Variants in CERT1 observed in about 807,000 individuals in gnomAD.
The protein encoded by CERT1 is ceramide transporter 1.
Under a neutral mutation model 87.9 loss-of-function variants are expected in CERT1, and 31 were observed. The ratio of observed to expected loss-of-function variants is 0.35; its 90% CI spans 0.27 to 0.48. The LOEUF (loss-of-function observed/expected upper bound fraction) is 0.48. Among genes scored for constraint, CERT1 ranks in the 20% least tolerant of loss-of-function variants. The pLI is 0.99. For synonymous variants in CERT1, 289 were observed against 250.9 expected, an observed-to-expected ratio of 1.15 and a Z score of -1.44; for missense variants, 487 against 758.0, an observed-to-expected ratio of 0.64 and a Z score of 4.20.
chr5:75,478,297 G>C (rs1044485115), intron 2 of CERT1, among the ~76,000 whole-genome samples: 1 of 151,380 alleles, frequency 6.6e-6, no homozygotes, highest in South Asian at 2.1e-4. Context: ...CTGGGTGACA[G>C]AGCAAGACTC....
At chr5:75,386,664 T>G (rs1561224485) in intron 12 of CERT1, among the ~76,000 whole-genome samples, 5 of 152,176 alleles carry the variant, frequency 3.3e-5, no homozygotes. Flanking sequence ...GAGAACCAAG[T>G]GCCAATTTAT....
At chr5:75,499,378 C>G (rs902136561) in intron 2 of CERT1, among the ~76,000 whole-genome samples, 1 of 152,040 alleles carries the variant, frequency 6.6e-6, no homozygotes, top group Non-Finnish European at 1.5e-5. Context: ...TCCCATAATC[C>G]CCATGTGTTG....
At position 75,419,408 on chromosome 5, in the gene CERT1, T is replaced by A; in HGVS notation, c.612A>T (p.Glu204Asp). The change falls in exon 6 of 17, where the codon GAA becomes GAT. Residue 204 changes from glutamate (E) to aspartate (D), a missense_variant. This residue lies in a region of CERT1 where 173 missense variants were observed against 302.2 expected (regional missense o/e 0.57). Transcript: ENST00000643780. ...LQRDKVVEDDEDDFPTTRSDG... is the reference protein window; with the variant it reads ...LQRDKVVEDDDDDFPTTRSDG... ...CAGAACGCGTTGTAGGAAAGTCATC[T>A]TCATCATCTTCTACCACTAAATAAA... is the stretch of plus-strand genomic sequence containing the variant. The A allele has an allele frequency of 6.2e-7, 1 of 1,608,318 alleles. No individual in the cohort carries two copies. The highest frequency in any genetic ancestry group is 8.5e-7 in the Non-Finnish European group (1 of 1,174,930).
chr5:75,467,650 G>GA (rs58587061), intron 2 of CERT1, among the ~76,000 whole-genome samples: 62,546 of 132,598 alleles, frequency 0.47, 14,358 homozygotes, highest in Middle Eastern at 0.58. Context: ...CCAAAAAAAA[G>GA]AAAAAAAAAA....
At chr5:75,432,057 C>G (rs1489890191) in intron 3 of CERT1, among the ~76,000 whole-genome samples, 3 of 143,322 alleles carry the variant, frequency 2.1e-5, no homozygotes, top group Non-Finnish European at 4.6e-5. Flanking sequence ...TTCCCCCCCC[C>G]TTTTTTTTTT....
intron 2 of CERT1, among the ~76,000 whole-genome samples, chr5:75,481,315 G>A (rs1305602344): frequency 1.3e-5 from 2 of 151,808 alleles, no homozygotes; most frequent in African/African-American, 4.8e-5. Context: ...TATAAAAACT[G>A]CCCCAATACA....
At chr5:75,511,078 G>A (rs375786772) in intron 1 of CERT1, 34 bp downstream of exon 1, 9 of 1,511,976 alleles carry the variant, frequency 6.0e-6, no homozygotes, top group African/African-American at 1.4e-5. Flanking sequence ...AGGTGAGTCT[G>A]GCCAGGGGTC....
intron 11 of CERT1, among the ~76,000 whole-genome samples, chr5:75,392,018 G>C (rs1412991249): frequency 6.6e-6 from 1 of 152,194 alleles, no homozygotes. Flanking sequence ...TTGTCAAAAA[G>C]AATGCAGGTA....
chr5:75,393,722 T>C (rs1580708873), intron 11 of CERT1, among the ~76,000 whole-genome samples: 1 of 151,474 alleles, frequency 6.6e-6, no homozygotes, highest in South Asian at 2.1e-4. Flanking sequence ...TCACAGCATT[T>C]TGGGAGGCTG....
At chr5:75,444,159 A>AAGTCTCCTGCCTC (rs2112255428) in intron 3 of CERT1, among the ~76,000 whole-genome samples, 1 of 152,078 alleles carries the variant, frequency 6.6e-6, no homozygotes, top group African/African-American at 2.4e-5. Context: ...AGGTTCAAGC[A>AAGTCTCCTGCCTC]AGTCTCCTGC....
At chr5:75,385,783 A>AT in intron 13 of CERT1, 119 bp downstream of exon 13, 1 of 725,436 alleles carries the variant, frequency 1.4e-6, no homozygotes, top group Non-Finnish European at 1.9e-6. Context: ...CCTCTATATG[A>AT]TTTTCCAAAT....
chr5:75,380,825 A>G (rs942692498), intron 16 of CERT1, among the ~76,000 whole-genome samples: 1 of 150,776 alleles, frequency 6.6e-6, no homozygotes, highest in East Asian at 2.0e-4. Flanking sequence ...TGACCTAGGG[A>G]TAAAGTTTTA....
At chr5:75,499,450 C>T (rs563831585) in intron 2 of CERT1, among the ~76,000 whole-genome samples, 8 of 152,198 alleles carry the variant, frequency 5.3e-5, no homozygotes, top group South Asian at 2.1e-4. Flanking sequence ...AAGAGCTTGT[C>T]CCCCTTTGCC....
At chr5:75,417,065 T>C (rs909552359) in intron 6 of CERT1, 32 bp from the exon 7 acceptor site, 4 of 1,430,320 alleles carry the variant, frequency 2.8e-6, no homozygotes, top group Non-Finnish European at 3.9e-6. Context: ...TGAAAATATC[T>C]CTAATGAGGA....
In CERT1 at chr5:75,506,051, GT is replaced by G; in HGVS notation, c.161del (p.Tyr54SerfsTer37). On this transcript the variant is annotated frameshift_variant, in exon 2 of 17. Coordinates refer to ENST00000643780, the MANE Select transcript of CERT1 (RefSeq NM_001379029.1). LOFTEE classifies it high-confidence loss of function. ...ACTCTGTTTCATCTTCAGATTTGTA[GT>G]AACTCAGAGCATTATTTTTCAAAAC... is the stretch of plus-strand genomic sequence containing the variant. ...WVVLKNNALS[Y>X]YKSEDETEYG... 1 of 1,613,326 alleles carries G rather than the reference GT, an allele frequency of 6.2e-7. No homozygotes were observed. Among genetic ancestry groups the G allele is most frequent in the South Asian group, 1.1e-5 (1 of 91,060 alleles).
chr5:75,393,602 TAAAAAAAAAAAAAAAA>T (rs60898983), intron 11 of CERT1, among the ~76,000 whole-genome samples: 1 of 32,770 alleles, frequency 3.1e-5, no homozygotes, highest in Non-Finnish European at 5.8e-5. Context: ...CTCATCTACT[TAAAAAAAAAAAAAAAA>T]AAAAAGAAAG....
intron 2 of CERT1, among the ~76,000 whole-genome samples, chr5:75,481,456 T>A (rs1011472280): frequency 6.6e-6 from 1 of 152,166 alleles, no homozygotes; most frequent in Non-Finnish European, 1.5e-5. Flanking sequence ...TACGGTAATA[T>A]TTAGCCAGAG....
At chr5:75,396,286 T>C (rs1762250230) in intron 11 of CERT1, among the ~76,000 whole-genome samples, 1 of 152,234 alleles carries the variant, frequency 6.6e-6, no homozygotes, top group Admixed American at 6.5e-5. Context: ...GATTATATTA[T>C]GCTTATATAA....
At chr5:75,490,040 T>C (rs914171168) in intron 2 of CERT1, among the ~76,000 whole-genome samples, 1 of 152,198 alleles carries the variant, frequency 6.6e-6, no homozygotes, top group African/African-American at 2.4e-5. Flanking sequence ...GTTCATGTCC[T>C]TTGTAGGGAC....
Sources: gnomAD v4.1 joint callset for allele counts (sites outside exome capture counted in the v4.1 genomes callset) on GRCh38, gnomAD v4.1.1 for gene constraint, gnomAD v4.1.1 regional missense constraint, MANE v1.5 for transcripts, NCBI Gene and HGNC (gene_info 2026-07-23, HGNC 2026-07-21) for gene names.